ANOS1: variants seen among roughly 807,000 people sequenced by gnomAD.
ANOS1 encodes anosmin 1.
Under a neutral mutation model 59.0 loss-of-function variants are expected in ANOS1, and 6 were observed. The observed-to-expected ratio is 0.10, with a 90% CI of 0.06 to 0.20. ANOS1 has a LOEUF of 0.20. ANOS1 is among the 10% of genes least tolerant of loss of function. ANOS1 has a pLI of 1.00. For missense variants in ANOS1, 433 were observed against 542.3 expected (o/e 0.80, Z 2.00); for synonymous variants, 217 against 223.4 (o/e 0.97, Z 0.25).
chrX:8,599,644 A>C (rs1243068475), intron 3 of ANOS1, among the ~76,000 whole-genome samples: 2 of 111,336 alleles, frequency 1.8e-5, no homozygotes, highest in Non-Finnish European at 3.8e-5. Context: ...ATAGTGATTG[A>C]ATATGGCTCC....
chrX:8,546,057 C>T (rs1251479651), intron 9 of ANOS1, among the ~76,000 whole-genome samples: 1 of 112,004 alleles, frequency 8.9e-6, no homozygotes, highest in African/African-American at 3.2e-5. Context: ...TCCAGAAAAT[C>T]CAGCCAAAGT....
chrX:8,694,432 G>C (rs1358551376), intron 2 of ANOS1, among the ~76,000 whole-genome samples: 1 of 112,587 alleles, frequency 8.9e-6, no homozygotes, highest in Non-Finnish European at 1.9e-5. Context: ...ACTTTGGGAG[G>C]CCAAGGTAGG....
chrX:8,732,046 TCGAGGG>T lies in ANOS1; in HGVS notation c.-16_-11del, dbSNP rs1203944318. ...GCACCCCGGGCACCATGGCTGCGGGTCGAGGGCGAGGGCGAGGGCGCCGGGCGCGGG... is the reference window on the plus strand; with the variant it reads ...GCACCCCGGGCACCATGGCTGCGGGTCGAGGGCGAGGGCGCCGGGCGCGGG... On this transcript the variant is annotated 5_prime_UTR_variant, in exon 1 of 14. Coordinates refer to ENST00000262648, the MANE Select transcript of ANOS1 (RefSeq NM_000216.4). The T allele has an allele frequency of 2.1e-5, 20 of 948,470 alleles. No homozygotes were observed. The highest frequency in any genetic ancestry group is 1.0e-4 in the African/African-American group (5 of 47,832). 78.2% of individuals were successfully genotyped at this position (948,470 alleles called of 1,213,427 possible). A position where few individuals can be genotyped will look rare whatever the true frequency, so the allele number is the denominator to read the frequency against.
At chrX:8,593,540 C>G (rs1278468385) in intron 4 of ANOS1, among the ~76,000 whole-genome samples, 1 of 112,157 alleles carries the variant, frequency 8.9e-6, no homozygotes, top group East Asian at 2.8e-4. Context: ...TTATACGCTT[C>G]AACTCTACAA....
At chrX:8,614,910 A>AAATTTTTTATAT (rs1931139181) in intron 3 of ANOS1, among the ~76,000 whole-genome samples, 1 of 110,752 alleles carries the variant, frequency 9.0e-6, no homozygotes, top group African/African-American at 3.2e-5. Context: ...AAATATAAAA[A>AAATTTTTTATAT]TTGAGTCTCA....
intron 1 of ANOS1, among the ~76,000 whole-genome samples, chrX:8,724,843 C>G (rs1288839222): frequency 8.9e-6 from 1 of 112,122 alleles, no homozygotes; most frequent in Non-Finnish European, 1.9e-5. Flanking sequence ...TCAATCAGCT[C>G]TGGTCATGGG....
At chrX:8,620,788 C>T (rs1262511287) in intron 3 of ANOS1, among the ~76,000 whole-genome samples, 1 of 111,928 alleles carries the variant, frequency 8.9e-6, no homozygotes, top group African/African-American at 3.2e-5. Flanking sequence ...CATCTGTTTT[C>T]CCCACCTTTC....
chrX:8,594,456 T>C (rs902439810), intron 4 of ANOS1, among the ~76,000 whole-genome samples: 5 of 104,791 alleles, frequency 4.8e-5, no homozygotes, highest in African/African-American at 1.7e-4. Flanking sequence ...GCAGCTGGAC[T>C]CCAGGTTGGG....
intron 12 of ANOS1, chrX:8,535,260 G>T: frequency 3.8e-6 from 1 of 263,665 alleles, no homozygotes; most frequent in Non-Finnish European, 6.8e-6. Flanking sequence ...ACTTCAAACA[G>T]GGCATGTTCA....
chrX:8,582,278 A>G (rs1056263269), intron 6 of ANOS1, among the ~76,000 whole-genome samples: 1 of 112,686 alleles, frequency 8.9e-6, no homozygotes, highest in Non-Finnish European at 1.9e-5. Context: ...ATGGCTAAAG[A>G]TGGTTTTGCT....
chrX:8,577,483 C>A, intron 6 of ANOS1, among the ~76,000 whole-genome samples: 1 of 112,176 alleles, frequency 8.9e-6, no homozygotes, highest in East Asian at 2.8e-4. Flanking sequence ...AGAGAGCAAG[C>A]ACATTTTCAG....
At chrX:8,571,011 T>A (rs1193717948) in intron 6 of ANOS1, among the ~76,000 whole-genome samples, 1 of 106,905 alleles carries the variant, frequency 9.4e-6, no homozygotes, top group Non-Finnish European at 1.9e-5. Flanking sequence ...CTCAGGAAGC[T>A]GAGGCGGAAG....
intron 3 of ANOS1, among the ~76,000 whole-genome samples, chrX:8,609,006 T>C (rs1930993792): frequency 8.9e-6 from 1 of 112,299 alleles, no homozygotes; most frequent in South Asian, 3.7e-4. Flanking sequence ...TACACTAATG[T>C]ACATAGAACA....
chrX:8,622,284 G>A (rs1931307077), intron 3 of ANOS1, among the ~76,000 whole-genome samples: 1 of 111,860 alleles, frequency 8.9e-6, no homozygotes, highest in South Asian at 3.8e-4. Flanking sequence ...TAACTCTTGG[G>A]GACTTACTAT....
intron 2 of ANOS1, among the ~76,000 whole-genome samples, chrX:8,666,106 G>A (rs774748266): frequency 1.5e-4 from 17 of 111,265 alleles, no homozygotes; most frequent in Admixed American, 1.9e-4. Context: ...TGAGGCAGGA[G>A]GATCGCTTGA....
chrX:8,690,384 A>C (rs1932588444), intron 2 of ANOS1, among the ~76,000 whole-genome samples: 1 of 112,222 alleles, frequency 8.9e-6, no homozygotes, highest in Admixed American at 9.5e-5. Flanking sequence ...ATCATATATA[A>C]AGTCAAGAGA....
intron 9 of ANOS1, among the ~76,000 whole-genome samples, chrX:8,552,148 G>GT (rs1456043004): frequency 2.7e-5 from 3 of 112,249 alleles, no homozygotes; most frequent in Non-Finnish European, 5.6e-5. Flanking sequence ...TAACAATGAG[G>GT]TATCACTATG....
At chrX:8,643,503 T>C (rs754178680) in intron 2 of ANOS1, among the ~76,000 whole-genome samples, 13 of 111,623 alleles carry the variant, frequency 1.2e-4, no homozygotes, top group Non-Finnish European at 1.9e-4. Context: ...TTTAACTCTA[T>C]ATATCATGAC....
chrX:8,533,079 C>G lies in ANOS1; in HGVS notation c.1985-26G>C, dbSNP rs41303179. The stretch of plus-strand genomic sequence containing the variant: ...CTAAAAAGTGACAAAATATGTCAGT[C>G]ACATCCATTTGTATGTATCAAATAA... On this transcript the variant is annotated intron_variant, in intron 13 of 13. Transcript: ENST00000262648. The G allele has an allele frequency of 3.1e-6, 3 of 956,888 alleles. No homozygotes were observed. The Admixed American group carries it at 6.6e-5, about 21-fold the overall frequency. 78.9% of individuals were successfully genotyped at this position (956,888 alleles called of 1,213,427 possible). A position where few individuals can be genotyped will look rare whatever the true frequency, so the allele number is the denominator to read the frequency against.
Sources: allele counts gnomAD v4.1 joint callset (sites outside exome capture counted in the v4.1 genomes callset), GRCh38; gene constraint gnomAD v4.1.1; transcripts MANE v1.5; gene names NCBI Gene and HGNC (gene_info 2026-07-23, HGNC 2026-07-21).